The following CACUL1 variants were observed in gnomAD, a reference collection of about 807,000 sequenced individuals.
The protein encoded by CACUL1 is CDK2-associated and cullin domain-containing protein 1.
Under a neutral mutation model 45.2 loss-of-function variants are expected in CACUL1, and 13 were observed. That is an observed-to-expected ratio of 0.29 (90% CI 0.19 to 0.46). The LOEUF (loss-of-function observed/expected upper bound fraction) is 0.46. CACUL1 is among the 20% of genes least tolerant of loss of function. The probability of loss-of-function intolerance (pLI) is 1.00; values close to 1 mark genes in which losing one functional copy is unlikely to be tolerated. For synonymous variants in CACUL1, 197 were observed against 174.2 expected (o/e 1.13, Z -1.03); for missense variants, 421 against 471.4 (o/e 0.89, Z 0.99).
chr10:118,720,350 C>T (rs558911606), intron 3 of CACUL1, among the ~76,000 whole-genome samples: 6 of 152,280 alleles, frequency 3.9e-5, no homozygotes, highest in South Asian at 4.1e-4. Flanking sequence ...TTCTCACTTC[C>T]CCACATACTT....
intron 4 of CACUL1, among the ~76,000 whole-genome samples, chr10:118,704,874 C>T (rs1007324293): frequency 2.0e-5 from 3 of 152,194 alleles, no homozygotes; most frequent in African/African-American, 7.2e-5. Context: ...TCTTCTTGGG[C>T]GCAGTATAAG....
Position 118,676,904 on chromosome 10 carries a change from GGTGA to G in CACUL1, c.*9220_*9223del, listed in dbSNP as rs1326226761. 4.0e-5 allele frequency: 6 copies of G among 151,832 alleles called. No homozygotes were observed. Among genetic ancestry groups the G allele is most frequent in the African/African-American group, 7.3e-5 (3 of 41,310 alleles). 9.4% of individuals were successfully genotyped at this position (151,832 alleles called of 1,614,324 possible). A position where few individuals can be genotyped will look rare whatever the true frequency, so the allele number is the denominator to read the frequency against. ...TGTGCACACTACGGCATTAAAGGCA[GGTGA>G]GTGAGTTTAATAGGGTTTTCGGTTT... On this transcript the variant is annotated 3_prime_UTR_variant, in exon 9 of 9. Coordinates refer to ENST00000369151, the MANE Select transcript of CACUL1 (RefSeq NM_153810.5).
chr10:118,714,836 G>A (rs997708635), intron 3 of CACUL1, among the ~76,000 whole-genome samples: 12 of 152,124 alleles, frequency 7.9e-5, no homozygotes, highest in South Asian at 4.1e-4. Flanking sequence ...TCCTCACCCC[G>A]CAAGCATGTG....
intron 5 of CACUL1, among the ~76,000 whole-genome samples, chr10:118,698,148 C>CT (rs1021447229): frequency 0.024 from 3,270 of 136,124 alleles, 118 homozygotes; most frequent in African/African-American, 0.074. Flanking sequence ...ACCTCTTTTG[C>CT]TTTTTTTTTT....
chr10:118,691,891 GAAAA>G (rs1474143525), intron 6 of CACUL1, among the ~76,000 whole-genome samples: 1 of 109,778 alleles, frequency 9.1e-6, no homozygotes, highest in Admixed American at 9.1e-5. Flanking sequence ...AAAAAAAAAA[GAAAA>G]AGAATTTTAT....
rs1479219289 is a variant in CACUL1 at position 118,754,538 on chromosome 10, C to G, written c.225G>C (p.Pro75=). Reference sequence around the variant, plus strand: ...CCTCCGGCGGTGGCTGCGGCCCCATCGGGAGCCCCTCCTTGGGGCCTTTCC... The same window carrying G: ...CCTCCGGCGGTGGCTGCGGCCCCATGGGGAGCCCCTCCTTGGGGCCTTTCC... ...VDRKGPKEGL[P]MGPQPPPEAN... Residue 75 remains proline, a synonymous_variant, in exon 1 of 9, where the codon CCG becomes CCC. Transcript: ENST00000369151. The G allele has an allele frequency of 3.1e-6, 5 of 1,612,656 alleles. No homozygotes were observed. The Admixed American group carries it at 6.7e-5, about 22-fold the overall frequency.
At chr10:118,711,197 A>G (rs1845481568) in intron 3 of CACUL1, among the ~76,000 whole-genome samples, 1 of 152,328 alleles carries the variant, frequency 6.6e-6, no homozygotes, top group Non-Finnish European at 1.5e-5. Context: ...GCTCTGTCTC[A>G]GCCTCCTGAG....
At chr10:118,717,253 A>G (rs1279601412) in intron 3 of CACUL1, among the ~76,000 whole-genome samples, 1 of 152,240 alleles carries the variant, frequency 6.6e-6, no homozygotes, top group African/African-American at 2.4e-5. Context: ...GTAATCACCC[A>G]TGTAACACAG....
At chr10:118,717,211 G>A (rs1034731533) in intron 3 of CACUL1, among the ~76,000 whole-genome samples, 2 of 152,194 alleles carry the variant, frequency 1.3e-5, no homozygotes, top group Non-Finnish European at 2.9e-5. Flanking sequence ...CTACAGGAAG[G>A]AAGTCTGCAG....
rs888012930 is a variant in CACUL1 at position 118,686,164 on chromosome 10, G to A, written c.1074C>T (p.Ser358=). 4 of 1,612,042 alleles carry A rather than the reference G, an allele frequency of 2.5e-6. No individual in the cohort carries two copies. In the African/African-American group the frequency reaches 4.0e-5, roughly 16 times the overall value. ...CCCTGGAACTTGCACATGCTGACGAGCTATCTGAAAAAACATCAGAATAGG... is the reference window on the plus strand; with the variant it reads ...CCCTGGAACTTGCACATGCTGACGAACTATCTGAAAAAACATCAGAATAGG... ...KRAGDELAYN[S]SSACASSRGY... is the part of the protein sequence containing the mutation. The change falls in exon 9 of 9, where the codon AGC becomes AGT. Residue 358 remains serine, a synonymous_variant. Transcript: ENST00000369151.
rs991666756 is a variant in CACUL1 at position 118,677,246 on chromosome 10, G to A, written c.*8882C>T. ...AAGTCTTTTAATTTAATTGCACTTA[G>A]AAAGTGATTTTTTTTGGTACAGCAA... On this transcript the variant is annotated 3_prime_UTR_variant, in exon 9 of 9. Coordinates refer to ENST00000369151, the MANE Select transcript of CACUL1 (RefSeq NM_153810.5). 2 of 145,610 alleles carry A rather than the reference G, an allele frequency of 1.4e-5. No individual in the cohort carries two copies. Among genetic ancestry groups the A allele is most frequent in the African/African-American group, 5.3e-5 (2 of 37,658 alleles). The allele number at this position is 145,610 out of a possible 1,614,324, so 9.0% of individuals were successfully genotyped here.
chr10:118,750,148 G>C (rs1845882768), intron 1 of CACUL1, among the ~76,000 whole-genome samples: 3 of 152,082 alleles, frequency 2.0e-5, no homozygotes, highest in Admixed American at 1.3e-4. Flanking sequence ...CCAACATGGT[G>C]AAACACATCT....
At chr10:118,723,997 C>T (rs1845627036) in intron 3 of CACUL1, among the ~76,000 whole-genome samples, 1 of 152,140 alleles carries the variant, frequency 6.6e-6, no homozygotes, top group Non-Finnish European at 1.5e-5. Context: ...TAACTCCTGA[C>T]CTTGTGATCT....
intron 3 of CACUL1, among the ~76,000 whole-genome samples, chr10:118,716,591 C>G (rs1845547564): frequency 6.8e-6 from 1 of 147,546 alleles, no homozygotes; most frequent in African/African-American, 2.5e-5. Flanking sequence ...GTGGCATCAG[C>G]AACAACACAA....
intron 6 of CACUL1, among the ~76,000 whole-genome samples, chr10:118,694,702 GTC>G (rs1403310228): frequency 1.3e-5 from 2 of 152,124 alleles, no homozygotes; most frequent in African/African-American, 4.8e-5. Flanking sequence ...TCTTGTGATT[GTC>G]TCTCTCCCCA....
chr10:118,742,651 AC>A (rs1564839236), intron 1 of CACUL1, among the ~76,000 whole-genome samples: 1 of 151,340 alleles, frequency 6.6e-6, no homozygotes, highest in East Asian at 1.9e-4. Flanking sequence ...CTGCTTACAC[AC>A]CCCCCTCCCA....
Position 118,754,591 on chromosome 10 carries a change from G to A in CACUL1, c.172C>T (p.Leu58=), listed in dbSNP as rs1845936600. ...TCCACGGAGACCGCGGGCACCGCCA[G>A]CAGCTGCCCCCCCGGAGGCTCTCGG... ...PAREPPGGQL[L]AVPAVSVDRK... Residue 58 remains leucine, a synonymous_variant, in exon 1 of 9, where the codon CTG becomes TTG. Coordinates refer to ENST00000369151, the MANE Select transcript of CACUL1 (RefSeq NM_153810.5). 6.2e-7 allele frequency: 1 copy of A among 1,609,180 alleles called. No homozygotes were observed. Among genetic ancestry groups the A allele is most frequent in the East Asian group, 2.2e-5 (1 of 44,510 alleles).
chr10:118,683,793 C>G lies in CACUL1; in HGVS notation c.*2335G>C, dbSNP rs1298893499. On this transcript the variant is annotated 3_prime_UTR_variant, in exon 9 of 9. Transcript: ENST00000369151. ...GGAAATCTTATTTCCTCTCATACTG[C>G]AAACTCACTCAGAATTTTTTAGAAT... is the stretch of plus-strand genomic sequence containing the variant. The G allele has an allele frequency of 6.6e-6, 1 of 152,148 alleles. No individual in the cohort carries two copies. Among genetic ancestry groups the G allele is most frequent in the Non-Finnish European group, 1.5e-5 (1 of 68,026 alleles). 9.4% of individuals were successfully genotyped at this position (152,148 alleles called of 1,614,324 possible).
At position 118,676,470 on chromosome 10, in the gene CACUL1, T is replaced by C. The variant is rs1845098861; in HGVS notation, c.*9658A>G. Reference sequence around the variant, plus strand: ...TTTCAACAACACACTTTTGCAAAATTGGTGGATGGAACTCAAAAATATTTT... The same window carrying C: ...TTTCAACAACACACTTTTGCAAAATCGGTGGATGGAACTCAAAAATATTTT... On this transcript the variant is annotated 3_prime_UTR_variant, in exon 9 of 9. Transcript: ENST00000369151. The C allele has an allele frequency of 1.3e-5, 2 of 152,188 alleles. No homozygotes were observed. The highest frequency in any genetic ancestry group is 1.5e-5 in the Non-Finnish European group (1 of 68,040). 9.4% of individuals were successfully genotyped at this position (152,188 alleles called of 1,614,324 possible). A position where few individuals can be genotyped will look rare whatever the true frequency, so the allele number is the denominator to read the frequency against.
Sources: gnomAD v4.1 joint callset for allele counts (sites outside exome capture counted in the v4.1 genomes callset) on GRCh38, gnomAD v4.1.1 for gene constraint, MANE v1.5 for transcripts, NCBI Gene and HGNC (gene_info 2026-07-23, HGNC 2026-07-21) for gene names.